The following ARHGAP5 variants were observed in gnomAD, a reference collection of about 807,000 sequenced individuals.
ARHGAP5 encodes the protein rho GTPase-activating protein 5.
Under a neutral mutation model 116.6 loss-of-function variants are expected in ARHGAP5, and 23 were observed. The ratio of observed to expected loss-of-function variants is 0.20; its 90% CI spans 0.14 to 0.28. The LOEUF (loss-of-function observed/expected upper bound fraction) is 0.28, where lower values mean the gene tolerates loss of function less well. Ranked by LOEUF, ARHGAP5 falls within the 10% of genes least tolerant of loss-of-function variation. The pLI is 1.00. For synonymous variants in ARHGAP5, 574 were observed against 602.0 expected (o/e 0.95, Z 0.68); for missense variants, 1,405 against 1,774.8 (o/e 0.79, Z 3.74).
At chr14:32,112,932 A>AT (rs1879384138) in intron 2 of ARHGAP5, among the ~76,000 whole-genome samples, 1 of 152,184 alleles carries the variant, frequency 6.6e-6, no homozygotes, top group Non-Finnish European at 1.5e-5. Flanking sequence ...CAATTATTTT[A>AT]TTAGAGGTAC....
chr14:32,126,796 G>T (rs75721766), intron 3 of ARHGAP5, among the ~76,000 whole-genome samples: 1,752 of 151,156 alleles, frequency 0.012, 23 homozygotes, highest in Non-Finnish European at 0.018. Flanking sequence ...TCTTTTTTTG[G>T]GGGGGGAGTA....
At chr14:32,140,475 A>T (rs761301049) in intron 3 of ARHGAP5, among the ~76,000 whole-genome samples, 1 of 151,888 alleles carries the variant, frequency 6.6e-6, no homozygotes, top group Admixed American at 6.6e-5. Flanking sequence ...CTGTAGTCCT[A>T]ACTACTCTGG....
At chr14:32,090,153 G>A (rs773407937) in intron 1 of ARHGAP5, among the ~76,000 whole-genome samples, 1 of 151,918 alleles carries the variant, frequency 6.6e-6, no homozygotes, top group Non-Finnish European at 1.5e-5. Flanking sequence ...CACCAGCATC[G>A]CCTCCAGTGA....
intron 3 of ARHGAP5, among the ~76,000 whole-genome samples, chr14:32,122,625 A>G (rs541526694): frequency 6.6e-6 from 1 of 152,292 alleles, no homozygotes; most frequent in East Asian, 1.9e-4. Flanking sequence ...TTTATCTTCC[A>G]AGAGTTTTAC....
chr14:32,093,888 G>A lies in ARHGAP5; in HGVS notation c.3219G>A (p.Gln1073=), dbSNP rs764740820. The change falls in exon 2 of 7, where the codon CAG becomes CAA. Residue 1073 remains glutamine, a synonymous_variant. Coordinates refer to ENST00000345122, the MANE Select transcript of ARHGAP5 (RefSeq NM_001030055.2). ...EAGIGKNPRK[Q]TSRVPLAHPE... is the part of the protein sequence containing the mutation. ...GTATTGGTAAAAATCCAAGAAAGCA[G>A]ACTTCCCGGGTGCCTTTGGCACATC... is the stretch of plus-strand genomic sequence containing the variant. The A allele has an allele frequency of 6.2e-7, 1 of 1,614,132 alleles. No homozygotes were observed. Among genetic ancestry groups the A allele is most frequent in the South Asian group, 1.1e-5 (1 of 91,068 alleles).
rs1881923824 is a variant in ARHGAP5 at position 32,157,109 on chromosome 14, C to G, written c.*2161C>G. ...ACTTATCTCCACTTTTCTATGCATT[C>G]TATCATTGATTTGACACACTTCATA... is the stretch of plus-strand genomic sequence containing the variant. On this transcript the variant is annotated 3_prime_UTR_variant, in exon 7 of 7. Coordinates refer to ENST00000345122, the MANE Select transcript of ARHGAP5 (RefSeq NM_001030055.2). 1 of 152,274 alleles carries G rather than the reference C, an allele frequency of 6.6e-6. No individual in the cohort carries two copies. The allele number at this position is 152,274 out of a possible 1,614,324, so 9.4% of individuals were successfully genotyped here. A position where few individuals can be genotyped will look rare whatever the true frequency, so the allele number is the denominator to read the frequency against.
In ARHGAP5 at chr14:32,127,668, G is replaced by C. The variant is rs539334452; in HGVS notation, c.3865+10381G>C. Among the ~76,000 whole-genome samples, 162 of 152,252 alleles carry C rather than the reference G, an allele frequency of 1.1e-3. 2 individuals are homozygous for C. The highest frequency in any genetic ancestry group is 3.6e-3 in the African/African-American group (151 of 41,540). On this transcript the variant is annotated intron_variant, in intron 3 of 6. Transcript: ENST00000345122. Reference sequence around the variant, plus strand: ...AAAACCGCCATCGTCATCATGGCCCGTTCTCAATGAGCTGTTGGGTACACC... The same window carrying C: ...AAAACCGCCATCGTCATCATGGCCCCTTCTCAATGAGCTGTTGGGTACACC...
In ARHGAP5 at chr14:32,130,924, TCAC is replaced by T. The variant is rs550041506; in HGVS notation, c.3865+13639_3865+13641del. ...AGCATTTGTTTACCCTTCTCTAGAT[TCAC>T]CGAGTAAACTTTTTACCACAGTTCT... is the stretch of plus-strand genomic sequence containing the variant. On this transcript the variant is annotated intron_variant, in intron 3 of 6. Coordinates refer to ENST00000345122, the MANE Select transcript of ARHGAP5 (RefSeq NM_001030055.2). 5.3e-5 allele frequency among the ~76,000 whole-genome samples: 8 copies of T among 152,344 alleles called. No individual in the cohort carries two copies. The East Asian group carries it at 1.5e-3, about 29-fold the overall frequency.
intron 1 of ARHGAP5, among the ~76,000 whole-genome samples, chr14:32,082,801 A>C (rs928692174): frequency 2.0e-5 from 3 of 152,126 alleles, no homozygotes; most frequent in Non-Finnish European, 4.4e-5. Context: ...CTGCCTCTCA[A>C]AGTGTTGAGA....
chr14:32,146,161 T>G (rs1369523570), intron 3 of ARHGAP5, 102 bp from the exon 4 acceptor site: 2 of 797,042 alleles, frequency 2.5e-6, no homozygotes, highest in Admixed American at 2.5e-5. Flanking sequence ...TTCTCCCACC[T>G]TGGCCTCCCA....
intron 1 of ARHGAP5, among the ~76,000 whole-genome samples, chr14:32,078,571 G>A (rs2041738467): frequency 6.6e-6 from 1 of 151,968 alleles, no homozygotes; most frequent in Admixed American, 6.6e-5. Flanking sequence ...AAAATGCTTC[G>A]CTGTATTTAC....
intron 4 of ARHGAP5, among the ~76,000 whole-genome samples, chr14:32,148,682 A>AT (rs1881503948): frequency 1.3e-5 from 2 of 152,216 alleles, no homozygotes; most frequent in South Asian, 4.1e-4. Context: ...AGCCATTAAA[A>AT]TTGTTTATGT....
At chr14:32,127,164 ATTTT>A (rs879757408) in intron 3 of ARHGAP5, among the ~76,000 whole-genome samples, 1 of 143,506 alleles carries the variant, frequency 7.0e-6, no homozygotes, top group East Asian at 2.0e-4. Flanking sequence ...CTCCTGGCTG[ATTTT>A]TTTTTTTTTA....
chr14:32,108,335 T>A (rs1288124578), intron 2 of ARHGAP5, among the ~76,000 whole-genome samples: 3 of 152,032 alleles, frequency 2.0e-5, no homozygotes, highest in Non-Finnish European at 4.4e-5. Context: ...AGAGTATATG[T>A]TCATAGGAGA....
At position 32,077,383 on chromosome 14, in the gene ARHGAP5, A is replaced by G. The variant is rs1416271098; in HGVS notation, c.-221A>G. The G allele has an allele frequency of 1.4e-6, 1 of 700,414 alleles. No individual in the cohort carries two copies. Among genetic ancestry groups the G allele is most frequent in the South Asian group, 1.5e-5 (1 of 67,392 alleles). 43.4% of individuals were successfully genotyped at this position (700,414 alleles called of 1,614,324 possible). ...CCCCAGGAATGTCGCTGCCGCCGCC[A>G]CCGCCGGGGCCGCTGCCGTTGAGGA... On this transcript the variant is annotated 5_prime_UTR_variant, in exon 1 of 7. Transcript: ENST00000345122.
At chr14:32,114,451 C>G (rs1879457170) in intron 2 of ARHGAP5, among the ~76,000 whole-genome samples, 1 of 152,146 alleles carries the variant, frequency 6.6e-6, no homozygotes, top group South Asian at 2.1e-4. Context: ...CTTCCTTGCA[C>G]GTTGTTCTGT....
At chr14:32,108,637 T>A (rs192333143) in intron 2 of ARHGAP5, among the ~76,000 whole-genome samples, 13 of 152,252 alleles carry the variant, frequency 8.5e-5, no homozygotes, top group Admixed American at 2.0e-4. Flanking sequence ...TGGGTTTTTT[T>A]AATTTCAGAA....
chr14:32,088,746 C>G, intron 1 of ARHGAP5, among the ~76,000 whole-genome samples: 1 of 151,984 alleles, frequency 6.6e-6, no homozygotes, highest in East Asian at 1.9e-4. Flanking sequence ...CAAGCCTCAT[C>G]ACATTATTTT....
At chr14:32,096,127 G>A (rs1878513757) in intron 2 of ARHGAP5, among the ~76,000 whole-genome samples, 2 of 151,260 alleles carry the variant, frequency 1.3e-5, no homozygotes, top group Admixed American at 1.3e-4. Flanking sequence ...GTGTGTTTTC[G>A]TGTCTATTGG....
Sources: allele counts gnomAD v4.1 joint callset (sites outside exome capture counted in the v4.1 genomes callset), GRCh38; gene constraint gnomAD v4.1.1; transcripts MANE v1.5; gene names NCBI Gene and HGNC (gene_info 2026-07-23, HGNC 2026-07-21).